SUCLG2: variants seen among roughly 807,000 people sequenced by gnomAD.
SUCLG2 encodes succinate-CoA ligase GDP-forming subunit beta.
SUCLG2 carries 42 observed loss-of-function variants against 47.9 expected under a neutral mutation model. That is an observed-to-expected ratio of 0.88 (90% CI 0.69 to 1.14). SUCLG2 has a LOEUF of 1.14. Ranked by LOEUF, SUCLG2 falls within the 50% of genes most tolerant of loss-of-function variation. The probability of loss-of-function intolerance (pLI) is 0.00; values close to 1 mark genes in which losing one functional copy is unlikely to be tolerated. For missense variants in SUCLG2, 571 were observed against 525.9 expected, an observed-to-expected ratio of 1.09 and a Z score of -0.84; for synonymous variants, 195 against 197.3, an observed-to-expected ratio of 0.99 and a Z score of 0.10.
chr3:67,597,034 G>A (rs531459135), intron 2 of SUCLG2, among the ~76,000 whole-genome samples: 1 of 152,280 alleles, frequency 6.6e-6, no homozygotes, highest in African/African-American at 2.4e-5. Flanking sequence ...AACATGACCT[G>A]CCAGGGATCA....
intron 2 of SUCLG2, among the ~76,000 whole-genome samples, chr3:67,542,356 G>T (rs570876563): frequency 1.1e-3 from 170 of 152,182 alleles, no homozygotes; most frequent in African/African-American, 3.9e-3. Context: ...GCAAAAACCC[G>T]GAACAGCCAC....
In SUCLG2 at chr3:67,654,570, G is replaced by A. The variant is rs372411257; in HGVS notation, c.17C>T (p.Ala6Val). 26 of 1,274,212 alleles carry A rather than the reference G, an allele frequency of 2.0e-5. No homozygotes were observed. Among genetic ancestry groups the A allele is most frequent in the East Asian group, 5.9e-5 (2 of 34,168 alleles). The allele number at this position is 1,274,212 out of a possible 1,614,324, so 78.9% of individuals were successfully genotyped here. ...TCGCAGAAGCTTCCCGGCCTGCGCT[G>A]CTACGGGGGACGCCATCTTAAACAG... The part of the protein sequence containing the change: MASPV[A>V]AQAGKLLRAL... The change falls in exon 1 of 11, where the codon GCA (alanine) becomes GTA (valine). Residue 6 changes from alanine (A) to valine (V), a missense_variant. Ala to Val is a moderately conservative substitution (Grantham distance 64, BLOSUM62 0). Coordinates refer to ENST00000307227, the MANE Select transcript of SUCLG2 (RefSeq NM_003848.4).
chr3:67,548,148 T>C lies in SUCLG2; in HGVS notation c.227-18962A>G, dbSNP rs187297765. 2.4e-4 allele frequency among the ~76,000 whole-genome samples: 36 copies of C among 152,284 alleles called. 1 individual carries two copies. Among genetic ancestry groups the C allele is most frequent in the East Asian group, 1.7e-3 (9 of 5,186 alleles). On this transcript the variant is annotated intron_variant, in intron 2 of 10. Transcript: ENST00000307227. ...TATTTCTATTTAGCAAATGACCCAATTGAAGTTAAGGGAGTTTCCTGGAGT... is the reference window on the plus strand; with the variant it reads ...TATTTCTATTTAGCAAATGACCCAACTGAAGTTAAGGGAGTTTCCTGGAGT...
intron 7 of SUCLG2, among the ~76,000 whole-genome samples, chr3:67,500,493 G>A (rs1705467581): frequency 7.3e-6 from 1 of 137,218 alleles, no homozygotes; most frequent in Admixed American, 6.9e-5. Flanking sequence ...TCCACACATT[G>A]TGAATGGTTG....
chr3:67,431,581 C>T (rs1299800096), intron 9 of SUCLG2, among the ~76,000 whole-genome samples: 4 of 152,128 alleles, frequency 2.6e-5, no homozygotes, highest in African/African-American at 9.7e-5. Context: ...AGTTCATGTC[C>T]TTTGTAGGGA....
chr3:67,644,567 C>T (rs1701159208), intron 1 of SUCLG2, among the ~76,000 whole-genome samples: 1 of 151,788 alleles, frequency 6.6e-6, no homozygotes, highest in African/African-American at 2.4e-5. Flanking sequence ...ATGGTGATGG[C>T]TGCATAACAA....
At chr3:67,489,761 G>A (rs1705159032) in intron 9 of SUCLG2, among the ~76,000 whole-genome samples, 1 of 152,092 alleles carries the variant, frequency 6.6e-6, no homozygotes, top group South Asian at 2.1e-4. Context: ...AAATTAAAAT[G>A]GACACCAGAC....
At chr3:67,406,126 C>CA (rs1702801768) in intron 9 of SUCLG2, among the ~76,000 whole-genome samples, 1 of 152,158 alleles carries the variant, frequency 6.6e-6, no homozygotes, top group Admixed American at 6.5e-5. Context: ...AACCAAGACT[C>CA]AGAGGTAGAA....
chr3:67,575,226 T>C (rs1360640577), intron 2 of SUCLG2, among the ~76,000 whole-genome samples: 1 of 152,204 alleles, frequency 6.6e-6, no homozygotes, highest in African/African-American at 2.4e-5. Flanking sequence ...ATGAAAACAT[T>C]TGTTCACAAA....
At chr3:67,363,542 A>C (rs1701837102) in intron 10 of SUCLG2, among the ~76,000 whole-genome samples, 1 of 152,212 alleles carries the variant, frequency 6.6e-6, no homozygotes, top group Non-Finnish European at 1.5e-5. Flanking sequence ...CACATAGTGC[A>C]ATCTTAAATA....
intron 1 of SUCLG2, among the ~76,000 whole-genome samples, chr3:67,636,441 C>T (rs1420747750): frequency 1.3e-5 from 2 of 151,920 alleles, no homozygotes; most frequent in African/African-American, 2.4e-5. Flanking sequence ...CAAGCTCTGC[C>T]TCCCGGGTTC....
chr3:67,639,007 G>T (rs1312797908), intron 1 of SUCLG2, among the ~76,000 whole-genome samples: 2 of 152,118 alleles, frequency 1.3e-5, no homozygotes, highest in African/African-American at 4.8e-5. Flanking sequence ...ACTATCTAGA[G>T]CTATTCCGTG....
At chr3:67,589,695 C>T (rs1004119842) in intron 2 of SUCLG2, among the ~76,000 whole-genome samples, 8 of 152,316 alleles carry the variant, frequency 5.3e-5, no homozygotes, top group African/African-American at 1.4e-4. Context: ...TCTAATTATA[C>T]TCCTATGCTC....
intron 9 of SUCLG2, among the ~76,000 whole-genome samples, chr3:67,459,133 G>GTT (rs1158394596): frequency 6.6e-6 from 1 of 152,148 alleles, no homozygotes; most frequent in Non-Finnish European, 1.5e-5. Flanking sequence ...AAGGGCAGCT[G>GTT]TTTTGTGTGT....
chr3:67,396,790 C>T (rs1471234364), intron 10 of SUCLG2, among the ~76,000 whole-genome samples: 4 of 152,072 alleles, frequency 2.6e-5, no homozygotes, highest in Non-Finnish European at 4.4e-5. Context: ...ACTGGCAAAC[C>T]GAATCTAGCA....
At chr3:67,399,045 T>G (rs1037887996) in intron 10 of SUCLG2, among the ~76,000 whole-genome samples, 1 of 147,474 alleles carries the variant, frequency 6.8e-6, no homozygotes, top group African/African-American at 2.5e-5. Context: ...GGGGGAAGGA[T>G]AGCATTAGGA....
At position 67,375,207 on chromosome 3, in the gene SUCLG2, T is replaced by G. The variant is rs1702011244; in HGVS notation, c.*537A>C. On this transcript the variant is annotated 3_prime_UTR_variant, in exon 11 of 11. Coordinates refer to ENST00000307227, the MANE Select transcript of SUCLG2 (RefSeq NM_003848.4). ...CGGATTTTTCAAACATATGTTAGAATTAGAAACCTGTAAAATCTGCAGTAG... is the reference window on the plus strand; with the variant it reads ...CGGATTTTTCAAACATATGTTAGAAGTAGAAACCTGTAAAATCTGCAGTAG... 1.1e-5 allele frequency: 11 copies of G among 985,868 alleles called. No individual in the cohort carries two copies. Among genetic ancestry groups the G allele is most frequent in the Non-Finnish European group, 1.3e-5 (11 of 829,918 alleles). 61.1% of individuals were successfully genotyped at this position (985,868 alleles called of 1,614,324 possible). A position where few individuals can be genotyped will look rare whatever the true frequency, so the allele number is the denominator to read the frequency against.
intron 1 of SUCLG2, among the ~76,000 whole-genome samples, chr3:67,621,610 G>C (rs898166173): frequency 6.6e-6 from 1 of 152,116 alleles, no homozygotes; most frequent in Non-Finnish European, 1.5e-5. Flanking sequence ...TCCATTCAAG[G>C]ATGAATGGAT....
At chr3:67,510,717 C>G (rs951195960) in intron 6 of SUCLG2, among the ~76,000 whole-genome samples, 5 of 152,146 alleles carry the variant, frequency 3.3e-5, no homozygotes, top group African/African-American at 1.2e-4. Flanking sequence ...TAACCTTTCA[C>G]TTAAATAATG....
Sources: gnomAD v4.1 joint callset for allele counts (sites outside exome capture counted in the v4.1 genomes callset) on GRCh38, gnomAD v4.1.1 for gene constraint, MANE v1.5 for transcripts, NCBI Gene and HGNC (gene_info 2026-07-23, HGNC 2026-07-21) for gene names.